The following CEP89 variants were observed in gnomAD, a reference collection of about 807,000 sequenced individuals.
CEP89 encodes the protein centrosomal protein of 89 kDa.
Under a neutral mutation model 97.6 loss-of-function variants are expected in CEP89, and 95 were observed. The observed-to-expected ratio is 0.97, with a 90% CI of 0.82 to 1.15. The LOEUF is 1.15. Among genes scored for constraint, CEP89 ranks in the 50% most tolerant of loss-of-function variants. The pLI is 0.00. For synonymous variants in CEP89, 354 were observed against 349.1 expected, an observed-to-expected ratio of 1.01 and a Z score of -0.16; for missense variants, 869 against 947.7, an observed-to-expected ratio of 0.92 and a Z score of 1.09.
At chr19:32,918,057 A>G (rs1471138997) in intron 13 of CEP89, among the ~76,000 whole-genome samples, 167 bp downstream of exon 13, 1 of 152,212 alleles carries the variant, frequency 6.6e-6, no homozygotes, top group Non-Finnish European at 1.5e-5. Flanking sequence ...CAATCTATGC[A>G]TTGAGGGTAG....
In CEP89 at chr19:32,879,300, G is replaced by C. The variant is rs1599701901; in HGVS notation, c.2214C>G (p.Asp738Glu). The part of the protein sequence containing the change: ...ENRRIRELLQ[D>E]TLTRTGVQDN... The stretch of plus-strand genomic sequence containing the variant: ...CCTGCACGCCTGTCCTCGTGAGTGT[G>C]TCCTGGAGAAGTTCTCGGATTCTTC... Residue 738 changes from aspartate to glutamate, a missense_variant, in exon 19 of 19, where the codon GAC (aspartate) becomes GAG (glutamate). Asp to Glu is a conservative substitution (Grantham distance 45). Transcript: ENST00000305768. 6.2e-7 allele frequency: 1 copy of C among 1,614,264 alleles called. No homozygotes were observed.
chr19:32,945,163 A>G (rs371825763), intron 5 of CEP89, among the ~76,000 whole-genome samples: 1 of 152,052 alleles, frequency 6.6e-6, no homozygotes, highest in South Asian at 2.1e-4. Flanking sequence ...GCATGCCTGT[A>G]ATCCCAGCTA....
intron 11 of CEP89, among the ~76,000 whole-genome samples, chr19:32,925,427 C>T (rs532411283): frequency 3.3e-5 from 5 of 151,828 alleles, no homozygotes; most frequent in South Asian, 2.1e-4. Flanking sequence ...AATTAAGAAG[C>T]ATCTAAGTTT....
rs1971137298 is a variant in CEP89 at position 32,960,160 on chromosome 19, G to A, written c.147-102C>T. The A allele has an allele frequency of 4.7e-6, 6 of 1,264,110 alleles. No homozygotes were observed. The East Asian group carries it at 1.2e-4, about 26-fold the overall frequency. 78.3% of individuals were successfully genotyped at this position (1,264,110 alleles called of 1,614,324 possible). ...ATCAAGGCTTACCTTCTGCTGGACA[G>A]TGTCGACTGAGCATTTACTCTGCAC... On this transcript the variant is annotated intron_variant, in intron 2 of 18. Transcript: ENST00000305768.
chr19:32,917,581 A>T (rs1041703343), intron 13 of CEP89, among the ~76,000 whole-genome samples: 1 of 152,204 alleles, frequency 6.6e-6, no homozygotes, highest in Non-Finnish European at 1.5e-5. Flanking sequence ...AGAAAGAAAA[A>T]TCAGTAAAGC....
chr19:32,884,927 T>C (rs1299569609), intron 17 of CEP89, among the ~76,000 whole-genome samples: 1 of 152,194 alleles, frequency 6.6e-6, no homozygotes, highest in African/African-American at 2.4e-5. Flanking sequence ...CGCCTTTATA[T>C]TACATGTTCT....
chr19:32,901,489 G>A (rs1969769936), intron 14 of CEP89, 77 bp from the exon 15 acceptor site: 1 of 1,453,306 alleles, frequency 6.9e-7, no homozygotes, highest in Non-Finnish European at 9.4e-7. Context: ...CGAGGAAGAT[G>A]AGTGATAACA....
chr19:32,946,840 C>CATTA (rs1970808305), intron 5 of CEP89, among the ~76,000 whole-genome samples: 1 of 152,118 alleles, frequency 6.6e-6, no homozygotes, highest in Admixed American at 6.6e-5. Context: ...ACTATGAGTC[C>CATTA]ATTAAACTTC....
At chr19:32,942,617 CA>C (rs1970710172) in intron 5 of CEP89, among the ~76,000 whole-genome samples, 1 of 152,166 alleles carries the variant, frequency 6.6e-6, no homozygotes, top group Non-Finnish European at 1.5e-5. Context: ...ATCCCAAATT[CA>C]TGTTGTATTT....
At chr19:32,931,328 C>T (rs915616407) in intron 9 of CEP89, 101 bp downstream of exon 9, 1 of 1,102,940 alleles carries the variant, frequency 9.1e-7, no homozygotes, top group Non-Finnish European at 1.3e-6. Context: ...GCTTTTCTTA[C>T]ATCAAATTAT....
At chr19:32,951,705 T>C (rs754984497) in intron 4 of CEP89, among the ~76,000 whole-genome samples, 6 of 151,944 alleles carry the variant, frequency 3.9e-5, no homozygotes, top group African/African-American at 4.8e-5. Flanking sequence ...TCTACCCTAA[T>C]GGTAACATTT....
At chr19:32,951,633 A>C (rs567177764) in intron 4 of CEP89, among the ~76,000 whole-genome samples, 2 of 151,868 alleles carry the variant, frequency 1.3e-5, no homozygotes, top group South Asian at 4.2e-4. Context: ...TCCAGGATGC[A>C]CTCCAAATCC....
In CEP89 at chr19:32,915,507, C is replaced by T; in HGVS notation, c.1395G>A (p.Leu465=). 1 of 1,609,180 alleles carries T rather than the reference C, an allele frequency of 6.2e-7. No homozygotes were observed. Among genetic ancestry groups the T allele is most frequent in the Non-Finnish European group, 8.5e-7 (1 of 1,178,932 alleles). Residue 465 remains leucine, a synonymous_variant, in exon 14 of 19, where the codon CTG becomes CTA. Transcript: ENST00000305768. ...CCTCCAGGAGCATTAGTTGTTTAGT[C>T]AGCTTAGAAACTGAAAATCAAAAGA... ...HQERLQEVSK[L]TKQLMLLEAK...
At chr19:32,927,065 C>T in intron 9 of CEP89, 81 bp from the exon 10 acceptor site, 1 of 1,256,852 alleles carries the variant, frequency 8.0e-7, no homozygotes. Flanking sequence ...TTAATCTAGA[C>T]TGGGCATTGC....
intron 12 of CEP89, among the ~76,000 whole-genome samples, chr19:32,922,590 A>G (rs1182697371): frequency 6.6e-6 from 1 of 150,610 alleles, no homozygotes; most frequent in Non-Finnish European, 1.5e-5. Flanking sequence ...GCTCACGCCT[A>G]TAATCCCAGC....
chr19:32,971,937 G>A lies in CEP89; in HGVS notation c.-63C>T, dbSNP rs960606493. ...CATCAGCAGATCTATCCACAGCCAG[G>A]GACCACTCCCTAAAGCCCGCCGCAG... is the stretch of plus-strand genomic sequence containing the variant. On this transcript the variant is annotated 5_prime_UTR_variant, in exon 1 of 19. Transcript: ENST00000305768. 2.3e-5 allele frequency: 35 copies of A among 1,540,086 alleles called. No individual in the cohort carries two copies. The highest frequency in any genetic ancestry group is 1.7e-4 in the Middle Eastern group (1 of 5,920).
intron 14 of CEP89, among the ~76,000 whole-genome samples, chr19:32,905,037 A>C (rs1437655720): frequency 6.6e-6 from 1 of 152,242 alleles, no homozygotes; most frequent in African/African-American, 2.4e-5. Flanking sequence ...TCATTTATGA[A>C]TAATGACACT....
intron 6 of CEP89, among the ~76,000 whole-genome samples, chr19:32,938,401 T>C (rs1300106409): frequency 2.6e-5 from 4 of 152,102 alleles, no homozygotes; most frequent in South Asian, 4.1e-4. Flanking sequence ...GGAAGCACAT[T>C]TGCAAAATGC....
At chr19:32,951,886 T>G (rs899926366) in intron 4 of CEP89, among the ~76,000 whole-genome samples, 1 of 151,994 alleles carries the variant, frequency 6.6e-6, no homozygotes, top group Non-Finnish European at 1.5e-5. Context: ...AGGGAAATAT[T>G]GTAGTAAGCT....
Sources: allele counts gnomAD v4.1 joint callset (sites outside exome capture counted in the v4.1 genomes callset), GRCh38; gene constraint gnomAD v4.1.1; transcripts MANE v1.5; gene names NCBI Gene and HGNC (gene_info 2026-07-23, HGNC 2026-07-21).